Variants in QTMAN observed in about 807,000 individuals in gnomAD.
QTMAN encodes tRNA-queuosine alpha-mannosyltransferase.
chr2:143,970,782 A>T, the QTMAN span: 4 of 1,283,394 alleles, frequency 3.1e-6, no homozygotes, highest in Non-Finnish European at 4.6e-6. Flanking sequence ...AACACACAAA[A>T]TATAACTTGT....
the QTMAN span, among the ~76,000 whole-genome samples, chr2:144,062,276 G>A: frequency 5.9e-5 from 9 of 152,300 alleles, no homozygotes; most frequent in Admixed American, 2.0e-4. Flanking sequence ...TAAGGCGTTT[G>A]AGCACACAGT....
At chr2:144,108,086 G>A in the QTMAN span, among the ~76,000 whole-genome samples, 2 of 152,072 alleles carry the variant, frequency 1.3e-5, no homozygotes, top group East Asian at 1.9e-4. Context: ...GATAAATTAG[G>A]TATTGACGGG....
the QTMAN span, among the ~76,000 whole-genome samples, chr2:143,984,126 A>G: frequency 6.6e-6 from 1 of 152,174 alleles, no homozygotes; most frequent in Non-Finnish European, 1.5e-5. Context: ...CCTTCTCATG[A>G]TATTTATAAC....
the QTMAN span, among the ~76,000 whole-genome samples, chr2:144,028,416 C>T: frequency 6.6e-6 from 1 of 152,164 alleles, no homozygotes; most frequent in African/African-American, 2.4e-5. Context: ...ATATCAAACT[C>T]TCAACCTATA....
At chr2:143,940,691 C>T in the QTMAN span, 1 of 152,292 alleles carries the variant, frequency 6.6e-6, no homozygotes, top group Non-Finnish European at 1.5e-5. Flanking sequence ...ATGCACAGTT[C>T]AAGGTGCTGC....
chr2:144,133,436 ATATATAATATATAATATATAATATATAT>A, the QTMAN span, among the ~76,000 whole-genome samples: 1 of 56,830 alleles, frequency 1.8e-5, no homozygotes, highest in South Asian at 4.3e-4. Context: ...ATAATATATA[ATATATAATATATAATATATAATATATAT>A]TATATATTAT....
At chr2:144,066,484 AT>A in the QTMAN span, among the ~76,000 whole-genome samples, 1 of 152,188 alleles carries the variant, frequency 6.6e-6, no homozygotes, top group African/African-American at 2.4e-5. Flanking sequence ...TTCAAATGCA[AT>A]TTGGGAATTC....
At chr2:144,027,698 T>G in the QTMAN span, among the ~76,000 whole-genome samples, 2 of 152,202 alleles carry the variant, frequency 1.3e-5, no homozygotes, top group African/African-American at 4.8e-5. Context: ...TGCATTTGGA[T>G]AGAGTTATAG....
chr2:144,230,314 A>G, the QTMAN span: 3 of 152,188 alleles, frequency 2.0e-5, no homozygotes, highest in African/African-American at 4.8e-5. Flanking sequence ...TCTATAACAC[A>G]TTATACCACT....
the QTMAN span, among the ~76,000 whole-genome samples, chr2:144,093,834 CA>C: frequency 3.9e-5 from 6 of 152,112 alleles, no homozygotes; most frequent in Non-Finnish European, 5.9e-5. Flanking sequence ...GTACCCTACC[CA>C]GTGCTTGGTA....
chr2:143,981,188 C>G, the QTMAN span, among the ~76,000 whole-genome samples: 1 of 152,022 alleles, frequency 6.6e-6, no homozygotes, highest in African/African-American at 2.4e-5. Flanking sequence ...TCTGAAAGAC[C>G]GACACATCAG....
At chr2:144,215,279 C>T in the QTMAN span, among the ~76,000 whole-genome samples, 20 of 149,056 alleles carry the variant, frequency 1.3e-4, no homozygotes, top group African/African-American at 5.0e-4. Flanking sequence ...TATATACACA[C>T]ACACACACAC....
the QTMAN span, among the ~76,000 whole-genome samples, chr2:144,274,293 C>T: frequency 6.6e-6 from 1 of 152,126 alleles, no homozygotes; most frequent in Non-Finnish European, 1.5e-5. Flanking sequence ...TTTGTAATTT[C>T]CTGAGTGATA....
At chr2:143,985,586 G>A in the QTMAN span, among the ~76,000 whole-genome samples, 1 of 152,044 alleles carries the variant, frequency 6.6e-6, no homozygotes, top group Non-Finnish European at 1.5e-5. Context: ...GAAACCAGAA[G>A]GGTTTAACTC....
chr2:144,125,977 G>A, the QTMAN span, among the ~76,000 whole-genome samples: 3 of 152,028 alleles, frequency 2.0e-5, no homozygotes, highest in African/African-American at 7.2e-5. Context: ...ATGGGAAATG[G>A]AGGAATGCCA....
At chr2:143,997,494 T>C in the QTMAN span, among the ~76,000 whole-genome samples, 178 of 152,282 alleles carry the variant, frequency 1.2e-3, 1 homozygote, top group African/African-American at 3.8e-3. Context: ...TCAGCTCTGA[T>C]GGGCTTATAC....
chr2:143,969,847 T>C, the QTMAN span, among the ~76,000 whole-genome samples: 3 of 152,256 alleles, frequency 2.0e-5, no homozygotes, highest in African/African-American at 7.2e-5. Flanking sequence ...GTGTAGTTCT[T>C]GACACTGTAC....
the QTMAN span, among the ~76,000 whole-genome samples, chr2:144,182,882 T>A: frequency 2.4e-5 from 2 of 82,060 alleles, no homozygotes; most frequent in East Asian, 5.6e-4. Context: ...ATTATATATA[T>A]ATTTTATATA....
the QTMAN span, among the ~76,000 whole-genome samples, chr2:144,034,023 C>T: frequency 1.3e-5 from 2 of 152,110 alleles, no homozygotes; most frequent in Non-Finnish European, 2.9e-5. Context: ...CTTCGAATAT[C>T]CAGGATTCTT....
Sources: allele counts gnomAD v4.1 joint callset (sites outside exome capture counted in the v4.1 genomes callset), GRCh38; gene constraint gnomAD v4.1.1; transcripts MANE v1.5; gene names NCBI Gene and HGNC (gene_info 2026-07-23, HGNC 2026-07-21).